Variants in INPP5D observed in about 807,000 individuals in gnomAD.
INPP5D encodes phosphatidylinositol 3,4,5-trisphosphate 5-phosphatase 1.
Under a neutral mutation model 122.9 loss-of-function variants are expected in INPP5D, and 33 were observed. The observed-to-expected ratio is 0.27, with a 90% CI of 0.20 to 0.36. The LOEUF (loss-of-function observed/expected upper bound fraction) is 0.36, where lower values mean the gene tolerates loss of function less well. INPP5D is among the 10% of genes least tolerant of loss of function. INPP5D has a pLI of 1.00. For synonymous variants in INPP5D, 584 were observed against 576.2 expected (o/e 1.01, Z -0.19); for missense variants, 1,053 against 1,412.7 (o/e 0.75, Z 4.08).
intron 24 of INPP5D, among the ~76,000 whole-genome samples, chr2:233,196,784 A>T (rs1695195256): frequency 6.6e-6 from 1 of 151,972 alleles, no homozygotes; most frequent in South Asian, 2.1e-4. Flanking sequence ...CAGCAGACAT[A>T]GCTTGTTCCT....
At position 233,125,873 on chromosome 2, in the gene INPP5D, C is replaced by T. The variant is rs1693143461; in HGVS notation, c.478C>T (p.Leu160Phe). Reference sequence around the variant, plus strand: ...AGCGACCGAGACCAGCCGGCCGAGCCTCTCCGAGACATTGTTCCAGCGACT... The same window carrying T: ...AGCGACCGAGACCAGCCGGCCGAGCTTCTCCGAGACATTGTTCCAGCGACT... ...PRATETSRPS[L>F]SETLFQRLQS... Residue 160 changes from leucine to phenylalanine, a missense_variant, in exon 4 of 27, where the codon CTC becomes TTC. By Grantham distance (22) the Leu-to-Phe change is conservative (BLOSUM62 0). Coordinates refer to ENST00000445964, the MANE Select transcript of INPP5D (RefSeq NM_001017915.3). The T allele has an allele frequency of 1.2e-6, 2 of 1,613,838 alleles. No individual in the cohort carries two copies. Among genetic ancestry groups the T allele is most frequent in the East Asian group, 2.2e-5 (1 of 44,884 alleles).
chr2:233,088,395 C>A (rs372537907), intron 2 of INPP5D, among the ~76,000 whole-genome samples: 1 of 152,210 alleles, frequency 6.6e-6, no homozygotes, highest in East Asian at 1.9e-4. Flanking sequence ...AAAGGCCTTG[C>A]CTTTTGACGT....
At chr2:233,150,648 G>T (rs952543019) in intron 9 of INPP5D, among the ~76,000 whole-genome samples, 1 of 152,142 alleles carries the variant, frequency 6.6e-6, no homozygotes, top group Non-Finnish European at 1.5e-5. Flanking sequence ...AACTTTTGTC[G>T]GTTTAATGCA....
Position 233,100,661 on chromosome 2 carries a change from G to A in INPP5D, c.198+21263G>A, listed in dbSNP as rs570271200. ...GCTTGGTTCTACGGAAGCTGGGGTC[G>A]TCACAGCCTGTTTTCTGCCTTGGGG... On this transcript the variant is annotated intron_variant, in intron 2 of 26. Coordinates refer to ENST00000445964, the MANE Select transcript of INPP5D (RefSeq NM_001017915.3). This position sits in a 1 kb window ranked among gnomAD's most constrained non-coding sequence, Gnocchi z 5.3. 1.2e-4 allele frequency among the ~76,000 whole-genome samples: 18 copies of A among 152,262 alleles called. No homozygotes were observed. Among genetic ancestry groups the A allele is most frequent in the South Asian group, 4.2e-4 (2 of 4,816 alleles).
intron 2 of INPP5D, among the ~76,000 whole-genome samples, chr2:233,114,130 G>A (rs1000237081): frequency 2.0e-5 from 3 of 152,088 alleles, no homozygotes; most frequent in South Asian, 2.1e-4. Flanking sequence ...GGATGGTCTC[G>A]ATCTCCTGAC....
At chr2:233,196,621 T>C (rs1695192016) in intron 24 of INPP5D, among the ~76,000 whole-genome samples, 1 of 152,146 alleles carries the variant, frequency 6.6e-6, no homozygotes, top group Non-Finnish European at 1.5e-5. Flanking sequence ...GAGACTGAAC[T>C]GAGAATAGTA....
rs1692958690 is a variant in INPP5D at position 233,121,117 on chromosome 2, CTTTCTTTTTTTT to C, written c.199-986_199-975del. Reference sequence around the variant, plus strand: ...AGGTGATTTCTTTCTTTCTTTCTTTCTTTCTTTTTTTTTTTTCTTTTTTTTTTTTTTTGAGAC... The same window carrying C: ...AGGTGATTTCTTTCTTTCTTTCTTTCTTTTCTTTTTTTTTTTTTTTGAGAC... On this transcript the variant is annotated intron_variant, in intron 2 of 26. Coordinates refer to ENST00000445964, the MANE Select transcript of INPP5D (RefSeq NM_001017915.3). Among the ~76,000 whole-genome samples the C allele has an allele frequency of 2.3e-5, 3 of 128,582 alleles. No homozygotes were observed. The South Asian group carries it at 7.1e-4, about 31-fold the overall frequency. The allele number at this position is 128,582 out of a possible 152,430, so 84.4% of individuals were successfully genotyped here.
At chr2:233,202,649 G>A (rs145066657) in intron 25 of INPP5D, among the ~76,000 whole-genome samples, 50 of 152,300 alleles carry the variant, frequency 3.3e-4, no homozygotes, top group African/African-American at 1.2e-3. Context: ...GGTTCCCAGC[G>A]ATCCACAATT....
chr2:233,076,082 C>T (rs533612048), intron 1 of INPP5D, among the ~76,000 whole-genome samples: 1 of 152,268 alleles, frequency 6.6e-6, no homozygotes, highest in Admixed American at 6.5e-5. Context: ...ACTCTCCCTT[C>T]GTGATTATGT....
chr2:233,159,059 G>T (rs1694130976), intron 10 of INPP5D, among the ~76,000 whole-genome samples: 1 of 152,168 alleles, frequency 6.6e-6, no homozygotes, highest in South Asian at 2.1e-4. Context: ...TGGTATTATA[G>T]GTGTGAGCCA....
intron 10 of INPP5D, 73 bp downstream of exon 10, chr2:233,158,492 T>C (rs941289982): frequency 3.8e-5 from 24 of 629,528 alleles, no homozygotes; most frequent in African/African-American, 3.7e-4. Flanking sequence ...GCTCGCTGTG[T>C]GCCAGGGAGT....
At chr2:233,102,675 C>T (rs563696009) in intron 2 of INPP5D, among the ~76,000 whole-genome samples, 4 of 151,924 alleles carry the variant, frequency 2.6e-5, no homozygotes, top group Admixed American at 1.3e-4. Flanking sequence ...AGTGAAACCC[C>T]GTCTCTACTA....
At chr2:233,172,376 A>G (rs1694511068) in intron 17 of INPP5D, among the ~76,000 whole-genome samples, 1 of 152,154 alleles carries the variant, frequency 6.6e-6, no homozygotes, top group Admixed American at 6.5e-5. Flanking sequence ...CATGTGCAGA[A>G]TTGTGGTGGG....
At chr2:233,131,117 C>T (rs1693313947) in intron 5 of INPP5D, 1 of 965,376 alleles carries the variant, frequency 1.0e-6, no homozygotes, top group African/African-American at 1.8e-5. Context: ...GGAGATGATT[C>T]ACCAAAACTT....
At chr2:233,153,205 G>A (rs1020942355) in intron 9 of INPP5D, among the ~76,000 whole-genome samples, 44 of 152,174 alleles carry the variant, frequency 2.9e-4, no homozygotes, top group Non-Finnish European at 1.3e-4. Context: ...GGGGGCAACC[G>A]CACAGTCCTG....
intron 2 of INPP5D, among the ~76,000 whole-genome samples, chr2:233,111,679 T>C (rs1692634747): frequency 6.6e-6 from 1 of 152,262 alleles, no homozygotes; most frequent in African/African-American, 2.4e-5. Context: ...GCTCTGCTGT[T>C]ACTGCAGAAC....
chr2:233,193,869 C>T lies in INPP5D; in HGVS notation c.2504C>T (p.Thr835Met), dbSNP rs1446186601. Residue 835 changes from threonine (T) to methionine (M), a missense_variant, in exon 23 of 27, where the codon ACG (threonine) becomes ATG (methionine). Transcript: ENST00000445964. ...EATETQLPIY[T>M]PLTHHGELTG... Reference sequence around the variant, plus strand: ...ACAGAAACGCAGCTGCCCATCTACACGCCTCTCACCCACCATGGGGAGTTG... The same window carrying T: ...ACAGAAACGCAGCTGCCCATCTACATGCCTCTCACCCACCATGGGGAGTTG... The T allele has an allele frequency of 6.8e-6, 11 of 1,613,862 alleles. No individual in the cohort carries two copies. The highest frequency in any genetic ancestry group is 2.2e-5 in the East Asian group (1 of 44,882).
chr2:233,108,759 G>A (rs1023364535), intron 2 of INPP5D, among the ~76,000 whole-genome samples: 3 of 152,170 alleles, frequency 2.0e-5, no homozygotes, highest in Non-Finnish European at 2.9e-5. Flanking sequence ...GGCAGCACGG[G>A]GCACCGTTCC....
Position 233,164,390 on chromosome 2 carries a change from T to C in INPP5D, c.1521T>C (p.Thr507=). 6.4e-7 allele frequency: 1 copy of C among 1,552,394 alleles called. No homozygotes were observed. Among genetic ancestry groups the C allele is most frequent in the Non-Finnish European group, 8.7e-7 (1 of 1,147,300 alleles). Reference sequence around the variant, plus strand: ...AGAACCGGATCAGCCACATCTGTACTGACAACGTGAAGACAGGCATTGCAA... The same window carrying C: ...AGAACCGGATCAGCCACATCTGTACCGACAACGTGAAGACAGGCATTGCAA... ...EHENRISHIC[T]DNVKTGIANT... is the part of the protein sequence containing the mutation. Residue 507 remains threonine (T), a synonymous_variant, in exon 13 of 27, where the codon ACT becomes ACC. Coordinates refer to ENST00000445964, the MANE Select transcript of INPP5D (RefSeq NM_001017915.3). The surrounding 1 kb of genome is among the most constrained non-coding windows in gnomAD (Gnocchi z 4.3).
Sources: allele counts gnomAD v4.1 joint callset (sites outside exome capture counted in the v4.1 genomes callset), GRCh38; gene constraint gnomAD v4.1.1; non-coding constraint Gnocchi (gnomAD v3.1); transcripts MANE v1.5; gene names NCBI Gene and HGNC (gene_info 2026-07-23, HGNC 2026-07-21).